The following ERC2 variants were observed in gnomAD, a reference collection of about 807,000 sequenced individuals.
The protein encoded by ERC2 is ERC protein 2.
In ERC2, 42 loss-of-function variants were observed where a neutral mutation model predicts 114.8. The ratio of observed to expected loss-of-function variants is 0.37; its 90% CI spans 0.29 to 0.47. The LOEUF is 0.47. ERC2 is among the 20% of genes least tolerant of loss of function. The probability of loss-of-function intolerance (pLI) is 0.99; values close to 1 mark genes in which losing one functional copy is unlikely to be tolerated. For synonymous variants in ERC2, 454 were observed against 425.5 expected, an observed-to-expected ratio of 1.07 and a Z score of -0.82; for missense variants, 939 against 1,150.7, an observed-to-expected ratio of 0.82 and a Z score of 2.66.
chr3:55,638,450 A>ATAGCT (rs2060043859), intron 17 of ERC2, among the ~76,000 whole-genome samples: 1 of 152,234 alleles, frequency 6.6e-6, no homozygotes, highest in African/African-American at 2.4e-5. Context: ...ATCGTTGTGC[A>ATAGCT]TAGCTTTGGC....
intron 6 of ERC2, among the ~76,000 whole-genome samples, chr3:56,136,192 C>T (rs1187552609): frequency 1.3e-5 from 2 of 152,120 alleles, no homozygotes; most frequent in Admixed American, 1.3e-4. Flanking sequence ...AATGCAAATT[C>T]CCTGGTAGCA....
In ERC2 at chr3:55,901,474, T is replaced by C. The variant is rs115518347; in HGVS notation, c.2404-12925A>G. On this transcript the variant is annotated intron_variant, in intron 13 of 17. Transcript: ENST00000288221. ...TGCAGATGTGGGTCTGAGGTCACCT[T>C]GTCATGTCCAGCTCATTGAAGCCAC... Among the ~76,000 whole-genome samples the C allele has an allele frequency of 6.3e-3, 961 of 152,316 alleles. 8 individuals are homozygous for C. The highest frequency in any genetic ancestry group is 0.022 in the African/African-American group (908 of 41,562).
At chr3:55,817,101 G>A (rs2059930590) in intron 14 of ERC2, among the ~76,000 whole-genome samples, 1 of 152,126 alleles carries the variant, frequency 6.6e-6, no homozygotes, top group Non-Finnish European at 1.5e-5. Flanking sequence ...CCAATAATGT[G>A]GGTTATTCAC....
chr3:55,832,425 T>A (rs955431994), intron 14 of ERC2, among the ~76,000 whole-genome samples: 2 of 152,138 alleles, frequency 1.3e-5, no homozygotes, highest in Non-Finnish European at 2.9e-5. Flanking sequence ...AGAGGAACGA[T>A]CAGACAGCAG....
intron 3 of ERC2, among the ~76,000 whole-genome samples, chr3:56,246,112 A>C (rs2051687529): frequency 6.6e-6 from 1 of 151,598 alleles, no homozygotes; most frequent in East Asian, 1.9e-4. Context: ...AAAAAAAAAA[A>C]AAACTCATCT....
intron 1 of ERC2, among the ~76,000 whole-genome samples, chr3:56,442,526 G>C (rs566387244): frequency 6.6e-6 from 1 of 152,188 alleles, no homozygotes; most frequent in African/African-American, 2.4e-5. Flanking sequence ...CAGCCAAGAA[G>C]TATTTATTAA....
intron 6 of ERC2, among the ~76,000 whole-genome samples, chr3:56,131,099 C>T (rs1478498752): frequency 6.6e-6 from 1 of 152,132 alleles, no homozygotes; most frequent in Non-Finnish European, 1.5e-5. Context: ...ACCCCTATAA[C>T]GACTATGGTT....
At chr3:55,834,737 A>G (rs990664340) in intron 14 of ERC2, among the ~76,000 whole-genome samples, 2 of 138,180 alleles carry the variant, frequency 1.4e-5, no homozygotes, top group Non-Finnish European at 3.0e-5. Flanking sequence ...AAAAGCTAGC[A>G]GAAGGCAAGA....
At chr3:55,570,640 G>C (rs1029023751) in intron 17 of ERC2, among the ~76,000 whole-genome samples, 1 of 152,096 alleles carries the variant, frequency 6.6e-6, no homozygotes, top group Non-Finnish European at 1.5e-5. Context: ...GATGGTCTGT[G>C]GTCAGATAAA....
At chr3:56,075,141 C>CCGAG (rs1456121622) in intron 7 of ERC2, among the ~76,000 whole-genome samples, 1 of 338 alleles carries the variant, frequency 3.0e-3, no homozygotes, top group African/African-American at 0.012. Flanking sequence ...AAAGACTTCC[C>CCGAG]TGAGTGACAT....
At chr3:55,537,093 G>A (rs2054045875) in intron 17 of ERC2, among the ~76,000 whole-genome samples, 1 of 152,208 alleles carries the variant, frequency 6.6e-6, no homozygotes, top group South Asian at 2.1e-4. Flanking sequence ...TCCAGTCTCT[G>A]CTGAACACCT....
chr3:55,864,568 C>A (rs963742335), intron 14 of ERC2, among the ~76,000 whole-genome samples: 2 of 152,112 alleles, frequency 1.3e-5, no homozygotes, highest in Non-Finnish European at 2.9e-5. Context: ...TTTAAGCCAA[C>A]ATGCAGTTTC....
chr3:56,462,788 C>T (rs1001302394), intron 1 of ERC2, among the ~76,000 whole-genome samples: 1 of 152,130 alleles, frequency 6.6e-6, no homozygotes, highest in Non-Finnish European at 1.5e-5. Flanking sequence ...TGTGCGGCTG[C>T]AAGTAATAAG....
chr3:56,236,602 G>C (rs1026355992), intron 3 of ERC2, among the ~76,000 whole-genome samples: 5 of 152,132 alleles, frequency 3.3e-5, no homozygotes, highest in African/African-American at 1.2e-4. Flanking sequence ...TGAAGGCCAA[G>C]GTTTTGCTAA....
intron 15 of ERC2, among the ~76,000 whole-genome samples, chr3:55,716,238 C>T (rs1488433361): frequency 6.6e-6 from 1 of 152,198 alleles, no homozygotes; most frequent in Non-Finnish European, 1.5e-5. Flanking sequence ...CAATCCACCT[C>T]CTCCCAGCTT....
chr3:55,835,986 G>T (rs2060861034), intron 14 of ERC2, among the ~76,000 whole-genome samples: 1 of 151,458 alleles, frequency 6.6e-6, no homozygotes, highest in South Asian at 2.1e-4. Flanking sequence ...CAAATCATGA[G>T]TGAACTCCCA....
At chr3:55,734,620 C>T (rs895502554) in intron 15 of ERC2, 151 bp downstream of exon 15, 4 of 817,086 alleles carry the variant, frequency 4.9e-6, no homozygotes, top group African/African-American at 3.5e-5. Flanking sequence ...AATGGTGTTG[C>T]AGCGACAACT....
chr3:55,678,590 C>T (rs1009429135), intron 17 of ERC2, among the ~76,000 whole-genome samples: 1 of 152,228 alleles, frequency 6.6e-6, no homozygotes, highest in Non-Finnish European at 1.5e-5. Flanking sequence ...GAGCCACCCA[C>T]TCTTGAAGTT....
At chr3:56,262,683 T>C (rs1472353619) in intron 3 of ERC2, among the ~76,000 whole-genome samples, 1 of 152,248 alleles carries the variant, frequency 6.6e-6, no homozygotes, top group Admixed American at 6.5e-5. Flanking sequence ...TTTTGTTAAA[T>C]GTAAGAGTTA....
Sources: gnomAD v4.1 joint callset for allele counts (sites outside exome capture counted in the v4.1 genomes callset) on GRCh38, gnomAD v4.1.1 for gene constraint, MANE v1.5 for transcripts, NCBI Gene and HGNC (gene_info 2026-07-23, HGNC 2026-07-21) for gene names.